Variants in CERKL observed in about 807,000 individuals in gnomAD.
CERKL encodes the protein ceramide kinase-like protein.
A neutral mutation model predicts 63.4 loss-of-function variants in CERKL; 61 were observed. The ratio of observed to expected loss-of-function variants is 0.96; its 90% CI spans 0.78 to 1.19. The LOEUF (loss-of-function observed/expected upper bound fraction) is 1.19, where lower values mean the gene tolerates loss of function less well. CERKL is among the 50% of genes most tolerant of loss of function. The pLI is 0.00. For synonymous variants in CERKL, 250 were observed against 230.5 expected, an observed-to-expected ratio of 1.08 and a Z score of -0.77; for missense variants, 675 against 655.5, an observed-to-expected ratio of 1.03 and a Z score of -0.33.
At chr2:181,624,738 A>C (rs903630310) in intron 1 of CERKL, among the ~76,000 whole-genome samples, 2 of 152,202 alleles carry the variant, frequency 1.3e-5, no homozygotes, top group African/African-American at 4.8e-5. Context: ...GTAGAATGAA[A>C]GACAAAGGGT....
intron 1 of CERKL, among the ~76,000 whole-genome samples, chr2:181,621,865 G>C (rs927652595): frequency 6.6e-6 from 1 of 152,014 alleles, no homozygotes; most frequent in Non-Finnish European, 1.5e-5. Flanking sequence ...ATATCAATAC[G>C]ATGTGACACA....
At chr2:181,586,735 G>A (rs954971834) in intron 2 of CERKL, among the ~76,000 whole-genome samples, 1 of 152,180 alleles carries the variant, frequency 6.6e-6, no homozygotes, top group Non-Finnish European at 1.5e-5. Context: ...TGATCTATCA[G>A]TGAGTCAATG....
chr2:181,633,028 TAAATGA>T (rs898908024), intron 1 of CERKL, among the ~76,000 whole-genome samples: 3 of 152,184 alleles, frequency 2.0e-5, no homozygotes, highest in African/African-American at 4.8e-5. Flanking sequence ...ATTTCAGGCC[TAAATGA>T]AAGCTACTTA....
At chr2:181,625,276 G>T (rs955451251) in intron 1 of CERKL, among the ~76,000 whole-genome samples, 4 of 151,916 alleles carry the variant, frequency 2.6e-5, no homozygotes, top group African/African-American at 7.3e-5. Context: ...GAGTGACAGG[G>T]GTCAAGTCTG....
At chr2:181,590,603 T>A (rs1008473918) in intron 2 of CERKL, among the ~76,000 whole-genome samples, 3 of 152,064 alleles carry the variant, frequency 2.0e-5, no homozygotes, top group African/African-American at 7.3e-5. Context: ...ACCAAAAGTA[T>A]TATGGAATAT....
Position 181,563,654 on chromosome 2 carries a change from T to G in CERKL, c.677+2404A>C, listed in dbSNP as rs1688538996. On this transcript the variant is annotated intron_variant, in intron 4 of 12. Coordinates refer to ENST00000410087, the MANE Select transcript of CERKL (RefSeq NM_201548.5). The stretch of plus-strand genomic sequence containing the variant: ...TATAAATTTCCCCCAAAATTTTCCT[T>G]TAGCCACTCTTTAGAACAGGTTCAG... Among the ~76,000 whole-genome samples the G allele has an allele frequency of 2.0e-5, 3 of 151,802 alleles. No individual in the cohort carries two copies. In the South Asian group the frequency reaches 6.2e-4, roughly 32 times the overall value.
In CERKL at chr2:181,573,748, CTTACTTG is replaced by C; in HGVS notation, c.611_613+4del. Reference sequence around the variant, plus strand: ...TGGTGAAATTATATTCTGAAAATTACTTACTTGTTACATCAGTTTTTATTCCTGCAAG... The same window carrying C: ...TGGTGAAATTATATTCTGAAAATTACTTACATCAGTTTTTATTCCTGCAAG... On this transcript the variant is annotated splice_donor_variant and splice_donor_region_variant and coding_sequence_variant and intron_variant, in exon 3 of 13. Coordinates refer to ENST00000410087, the MANE Select transcript of CERKL (RefSeq NM_201548.5). LOFTEE classifies it high-confidence loss of function. The C allele has an allele frequency of 1.2e-6, 2 of 1,611,000 alleles. No individual in the cohort carries two copies. Among genetic ancestry groups the C allele is most frequent in the Non-Finnish European group, 1.7e-6 (2 of 1,177,902 alleles).
chr2:181,594,005 T>G (rs1222752297), intron 2 of CERKL, among the ~76,000 whole-genome samples: 1 of 152,032 alleles, frequency 6.6e-6, no homozygotes, highest in African/African-American at 2.4e-5. Context: ...TCTGTGAGGA[T>G]TAAAAAATAT....
At chr2:181,612,859 G>T (rs1253448287) in intron 1 of CERKL, among the ~76,000 whole-genome samples, 1 of 151,852 alleles carries the variant, frequency 6.6e-6, no homozygotes, top group Non-Finnish European at 1.5e-5. Flanking sequence ...TGCTGTATAA[G>T]ATATTATAAA....
chr2:181,656,800 C>A lies in CERKL; in HGVS notation c.207G>T (p.Arg69=). ...CDVVLSERAL[R]WRPIQPERPA... The stretch of plus-strand genomic sequence containing the variant: ...GGCGCTCGGGCTGAATGGGCCGCCA[C>A]CGCAGTGCTCGCTCGCTCAGCACCA... The change falls in exon 1 of 13, where the codon CGG becomes CGT. Residue 69 remains arginine (R), a synonymous_variant. Transcript: ENST00000410087. 2 of 1,596,362 alleles carry A rather than the reference C, an allele frequency of 1.3e-6. No homozygotes were observed. The highest frequency in any genetic ancestry group is 1.7e-6 in the Non-Finnish European group (2 of 1,169,200).
At chr2:181,623,943 T>C (rs1478437429) in intron 1 of CERKL, among the ~76,000 whole-genome samples, 1 of 152,160 alleles carries the variant, frequency 6.6e-6, no homozygotes, top group African/African-American at 2.4e-5. Context: ...ATATACCCCA[T>C]TTTAGCTCTC....
chr2:181,609,729 ATG>A (rs1302014489), intron 1 of CERKL, among the ~76,000 whole-genome samples: 1 of 151,800 alleles, frequency 6.6e-6, no homozygotes, highest in African/African-American at 2.4e-5. Flanking sequence ...AAATGAAGTA[ATG>A]AGGGGGAGTA....
intron 2 of CERKL, among the ~76,000 whole-genome samples, chr2:181,586,298 G>C (rs1363061522): frequency 6.6e-6 from 1 of 152,082 alleles, no homozygotes; most frequent in East Asian, 1.9e-4. Flanking sequence ...AAAGTCATTA[G>C]GTACAAATAA....
Position 181,558,801 on chromosome 2 carries a change from G to T in CERKL, c.678-93C>A. On this transcript the variant is annotated intron_variant, in intron 4 of 12. Coordinates refer to ENST00000410087, the MANE Select transcript of CERKL (RefSeq NM_201548.5). This position sits in a 1 kb window ranked among gnomAD's most constrained non-coding sequence, Gnocchi z 4.2. ...AGACTTCAAAATAGTTTACTAATTT[G>T]TAGTCTATGTGCATAACTGCTCACA... The T allele has an allele frequency of 7.7e-7, 1 of 1,297,092 alleles. No homozygotes were observed. Among genetic ancestry groups the T allele is most frequent in the Non-Finnish European group, 1.1e-6 (1 of 907,762 alleles). 80.3% of individuals were successfully genotyped at this position (1,297,092 alleles called of 1,614,324 possible).
chr2:181,622,186 A>G (rs753578556), intron 1 of CERKL, among the ~76,000 whole-genome samples: 1 of 152,202 alleles, frequency 6.6e-6, no homozygotes, highest in Non-Finnish European at 1.5e-5. Context: ...AATGTCTTCA[A>G]TAATGGCTGT....
At chr2:181,628,930 A>T (rs1313773996) in intron 1 of CERKL, among the ~76,000 whole-genome samples, 1 of 152,176 alleles carries the variant, frequency 6.6e-6, no homozygotes, top group Non-Finnish European at 1.5e-5. Flanking sequence ...AGCCTTACCA[A>T]ATCAAGATAA....
chr2:181,555,569 A>G (rs1688166155), intron 5 of CERKL, among the ~76,000 whole-genome samples: 1 of 152,138 alleles, frequency 6.6e-6, no homozygotes. Context: ...TCAACTTATC[A>G]ACAATACTAA....
chr2:181,648,301 T>G (rs530319146), intron 1 of CERKL, among the ~76,000 whole-genome samples: 1 of 152,228 alleles, frequency 6.6e-6, no homozygotes, highest in South Asian at 2.1e-4. Flanking sequence ...AAGTTACATG[T>G]AAGGGAATCC....
chr2:181,542,555 T>C (rs1195826239), intron 11 of CERKL, among the ~76,000 whole-genome samples: 1 of 152,066 alleles, frequency 6.6e-6, no homozygotes, highest in Non-Finnish European at 1.5e-5. Flanking sequence ...CAAATTAACA[T>C]TGCTTGAAAG....
Sources: allele counts gnomAD v4.1 joint callset (sites outside exome capture counted in the v4.1 genomes callset), GRCh38; gene constraint gnomAD v4.1.1; non-coding constraint Gnocchi (gnomAD v3.1); transcripts MANE v1.5; gene names NCBI Gene and HGNC (gene_info 2026-07-23, HGNC 2026-07-21).